The following SND1 variants were observed in gnomAD, a reference collection of about 807,000 sequenced individuals.
SND1 encodes the protein staphylococcal nuclease and tudor domain containing 1, also known as staphylococcal nuclease domain-containing protein 1.
In SND1, 38 loss-of-function variants were observed where a neutral mutation model predicts 121.7. That is an observed-to-expected ratio of 0.31 (90% CI 0.24 to 0.41). The LOEUF (loss-of-function observed/expected upper bound fraction) is 0.41, where lower values mean the gene tolerates loss of function less well. Ranked by LOEUF, SND1 falls within the 10% of genes least tolerant of loss-of-function variation. SND1 has a pLI of 1.00. For missense variants in SND1, 868 were observed against 1,184.6 expected (o/e 0.73, Z 3.92); for synonymous variants, 401 against 447.4 (o/e 0.90, Z 1.31).
intron 16 of SND1, among the ~76,000 whole-genome samples, chr7:128,020,467 A>C (rs1300776488): frequency 6.6e-6 from 1 of 152,226 alleles, no homozygotes; most frequent in East Asian, 1.9e-4. Flanking sequence ...CAGCTATGTG[A>C]CACCTGGGCA....
intron 15 of SND1, among the ~76,000 whole-genome samples, chr7:127,953,486 A>G (rs1316934202): frequency 6.6e-6 from 1 of 152,034 alleles, no homozygotes; most frequent in Admixed American, 6.6e-5. Context: ...CTAATAGGAA[A>G]GGAGGGCAAA....
At chr7:127,808,564 G>A (rs1798281813) in intron 11 of SND1, among the ~76,000 whole-genome samples, 1 of 152,174 alleles carries the variant, frequency 6.6e-6, no homozygotes. Context: ...ATAGTCACTA[G>A]GATGATAATT....
At chr7:127,857,876 T>C in intron 12 of SND1, 13 of 1,327,280 alleles carry the variant, frequency 9.8e-6, no homozygotes, top group Non-Finnish European at 1.4e-5. Flanking sequence ...TCAATGCGTT[T>C]GGAGTTGTAG....
At chr7:127,694,664 C>T (rs1039207178) in intron 2 of SND1, 164 bp from the exon 3 acceptor site, 13 of 746,100 alleles carry the variant, frequency 1.7e-5, no homozygotes, top group Admixed American at 2.7e-5. Flanking sequence ...CCTAAGTGTG[C>T]GATCTGCATT....
chr7:128,031,136 G>C (rs1342805696), intron 16 of SND1: 1 of 152,830 alleles, frequency 6.5e-6, no homozygotes, highest in Admixed American at 6.5e-5. Context: ...CCGCGGAGTT[G>C]AGGCGCGCCT....
At chr7:127,779,595 A>T (rs1166951860) in intron 10 of SND1, among the ~76,000 whole-genome samples, 2 of 152,188 alleles carry the variant, frequency 1.3e-5, no homozygotes, top group Admixed American at 1.3e-4. Flanking sequence ...GCCTTTGGAA[A>T]TGTGTAGAGA....
chr7:127,971,961 G>T (rs770311157), intron 15 of SND1, among the ~76,000 whole-genome samples: 1 of 151,618 alleles, frequency 6.6e-6, no homozygotes, highest in African/African-American at 2.4e-5. Flanking sequence ...TTTTAGTAGA[G>T]ACCAGGTTTC....
At chr7:127,987,263 A>G (rs1226067535) in intron 15 of SND1, among the ~76,000 whole-genome samples, 2 of 152,092 alleles carry the variant, frequency 1.3e-5, no homozygotes, top group Non-Finnish European at 2.9e-5. Context: ...CTTTCTTAGA[A>G]CCCAACTTTC....
chr7:127,803,573 C>A (rs1563019134), intron 10 of SND1, among the ~76,000 whole-genome samples: 4 of 152,166 alleles, frequency 2.6e-5, no homozygotes, highest in South Asian at 4.2e-4. Context: ...AATTTATATT[C>A]TTTTTTCTGC....
At chr7:127,820,160 A>G (rs1346311181) in intron 11 of SND1, among the ~76,000 whole-genome samples, 1 of 152,176 alleles carries the variant, frequency 6.6e-6, no homozygotes, top group Non-Finnish European at 1.5e-5. Flanking sequence ...TCAGTTAGTT[A>G]CTGGGGAAAG....
rs1480818817 is a variant in SND1, at chr7:127,780,424, A to G, written c.1153-27060A>G. On this transcript the variant is annotated intron_variant, in intron 10 of 23. Transcript: ENST00000354725. ...AGAATAATGGAATATCAAAATTGTC[A>G]TGGCCTTTTAAAGTACTTATGTCCA... Among the ~76,000 whole-genome samples the G allele has an allele frequency of 2.0e-5, 3 of 152,184 alleles. No individual in the cohort carries two copies. In the East Asian group the frequency reaches 5.8e-4, roughly 29 times the overall value.
intron 16 of SND1, among the ~76,000 whole-genome samples, chr7:128,035,397 C>T (rs1489724519): frequency 6.6e-6 from 1 of 152,216 alleles, no homozygotes; most frequent in African/African-American, 2.4e-5. Flanking sequence ...ATCCACAGTG[C>T]TGGAGCAGAG....
At chr7:127,788,318 G>A (rs867050192) in intron 10 of SND1, among the ~76,000 whole-genome samples, 1 of 152,186 alleles carries the variant, frequency 6.6e-6, no homozygotes, top group South Asian at 2.1e-4. Flanking sequence ...TTGAGTCCCT[G>A]TTGGAGACAA....
chr7:127,913,430 A>C (rs1209180630), intron 14 of SND1, among the ~76,000 whole-genome samples: 3 of 152,212 alleles, frequency 2.0e-5, no homozygotes, highest in Non-Finnish European at 4.4e-5. Flanking sequence ...AGACATGAGA[A>C]AGGAAATTGA....
At chr7:127,726,866 T>G (rs1796590603) in intron 10 of SND1, among the ~76,000 whole-genome samples, 1 of 152,228 alleles carries the variant, frequency 6.6e-6, no homozygotes, top group Non-Finnish European at 1.5e-5. Context: ...GGCCTTTTTC[T>G]CAGATTCCTT....
intron 10 of SND1, among the ~76,000 whole-genome samples, chr7:127,749,723 G>A (rs973396691): frequency 3.9e-5 from 6 of 152,160 alleles, no homozygotes; most frequent in African/African-American, 1.4e-4. Flanking sequence ...AAAATTGGTG[G>A]AACTGGTTTA....
chr7:127,930,561 G>T (rs989289896), intron 15 of SND1, among the ~76,000 whole-genome samples: 2 of 152,122 alleles, frequency 1.3e-5, no homozygotes, highest in Admixed American at 6.5e-5. Context: ...CTTCTGAAGG[G>T]ACTCATTGAA....
chr7:127,881,588 G>T (rs541243646), intron 12 of SND1, among the ~76,000 whole-genome samples: 1 of 152,088 alleles, frequency 6.6e-6, no homozygotes. Context: ...TATTGTCCCC[G>T]TTGAAATATG....
chr7:128,082,577 C>T (rs1465713448), intron 18 of SND1, among the ~76,000 whole-genome samples: 1 of 152,206 alleles, frequency 6.6e-6, no homozygotes, highest in East Asian at 1.9e-4. Context: ...GCCCACGAGC[C>T]TGCGGGATTA....
Sources: gnomAD v4.1 joint callset for allele counts (sites outside exome capture counted in the v4.1 genomes callset) on GRCh38, gnomAD v4.1.1 for gene constraint, MANE v1.5 for transcripts, NCBI Gene and HGNC (gene_info 2026-07-23, HGNC 2026-07-21) for gene names.